The following KIF1B variants were observed in gnomAD, a reference collection of about 807,000 sequenced individuals.
KIF1B encodes the protein kinesin-like protein KIF1B.
Under a neutral mutation model 241.9 loss-of-function variants are expected in KIF1B, and 76 were observed. The ratio of observed to expected loss-of-function variants is 0.31; its 90% CI spans 0.26 to 0.38. KIF1B has a LOEUF of 0.38. Among genes scored for constraint, KIF1B ranks in the 10% least tolerant of loss-of-function variants. KIF1B has a pLI of 1.00. For synonymous variants in KIF1B, 750 were observed against 796.7 expected, an observed-to-expected ratio of 0.94 and a Z score of 0.99; for missense variants, 1,622 against 2,271.4, an observed-to-expected ratio of 0.71 and a Z score of 5.81.
intron 31 of KIF1B, among the ~76,000 whole-genome samples, chr1:10,338,554 G>A (rs1472056494): frequency 6.6e-6 from 1 of 152,198 alleles, no homozygotes; most frequent in Non-Finnish European, 1.5e-5. Flanking sequence ...ATTCTAATCA[G>A]GCAACTGATA....
Position 10,334,548 on chromosome 1 carries a change from T to C in KIF1B, c.2953T>C (p.Tyr985His). 1 of 1,614,050 alleles carries C rather than the reference T, an allele frequency of 6.2e-7. No individual in the cohort carries two copies. The highest frequency in any genetic ancestry group is 1.1e-5 in the South Asian group (1 of 91,080). The change falls in exon 28 of 49, where the codon TAT becomes CAT. Residue 985 changes from tyrosine (Y) to histidine (H), a missense_variant. By Grantham distance (83) the Tyr-to-His change is moderately conservative (BLOSUM62 2). Coordinates refer to ENST00000676179, the MANE Select transcript of KIF1B (RefSeq NM_001365951.3). Reference protein sequence around the residue: ...RAFVYLSNLLYPVPLIHRVAI... With the variant: ...RAFVYLSNLLHPVPLIHRVAI... ...ATTTGTTTACCTGAGCAATCTGCTG[T>C]ATCCCGTGCCCCTGATCCACAGGGT...
chr1:10,375,544 C>T (rs1400240235), intron 48 of KIF1B, among the ~76,000 whole-genome samples, 171 bp downstream of exon 48: 1 of 152,076 alleles, frequency 6.6e-6, no homozygotes, highest in Non-Finnish European at 1.5e-5. Context: ...CCACCATTGC[C>T]TGGCTAATTT....
intron 36 of KIF1B, among the ~76,000 whole-genome samples, 163 bp downstream of exon 36, chr1:10,347,990 A>G (rs1472993077): frequency 3.3e-5 from 5 of 150,320 alleles, no homozygotes; most frequent in Non-Finnish European, 7.4e-5. Context: ...GTCTGTAGAT[A>G]TTTCTTCCTC....
Position 10,378,896 on chromosome 1 carries a change from T to C in KIF1B, c.*2309T>C, listed in dbSNP as rs536082374. On this transcript the variant is annotated 3_prime_UTR_variant, in exon 49 of 49. Coordinates refer to ENST00000676179, the MANE Select transcript of KIF1B (RefSeq NM_001365951.3). ...CGGATTTTTTTTTTAACTTTCTTCT[T>C]CCTGTTAAAACATAGGTCACTAACT... The C allele has an allele frequency of 2.4e-4, 56 of 237,312 alleles. No homozygotes were observed. The highest frequency in any genetic ancestry group is 4.2e-4 in the Non-Finnish European group (50 of 120,392). The allele number at this position is 237,312 out of a possible 1,614,324, so 14.7% of individuals were successfully genotyped here.
chr1:10,360,940 G>T lies in KIF1B; in HGVS notation c.4067G>T (p.Arg1356Leu), dbSNP rs140769726. Residue 1356 changes from arginine (R) to leucine (L), a missense_variant, in exon 39 of 49, where the codon CGC becomes CTC. This residue lies in a region of KIF1B where 803 missense variants were observed against 1,112.0 expected (regional missense o/e 0.72). Coordinates refer to ENST00000676179, the MANE Select transcript of KIF1B (RefSeq NM_001365951.3). The stretch of plus-strand genomic sequence containing the variant: ...CTTTCTGACCTTAGGACCTTCTACC[G>T]CTTTGAGGCTGTGTGGGATAGCTCT... ...SSHNSSRTFY[R>L]FEAVWDSSLH... 6.2e-7 allele frequency: 1 copy of T among 1,612,898 alleles called. No individual in the cohort carries two copies. Among genetic ancestry groups the T allele is most frequent in the African/African-American group, 1.3e-5 (1 of 74,844 alleles).
rs1403398747 is a variant in KIF1B, at chr1:10,279,026, G to C, written c.1181-71G>C. ...CTCCCCAAATGCCAAAAACTGCTCT[G>C]TTCCCTCTCTGTGTCACTGCTGAAC... On this transcript the variant is annotated intron_variant, in intron 13 of 48. Transcript: ENST00000676179. The C allele has an allele frequency of 4.4e-6, 5 of 1,137,100 alleles. No homozygotes were observed. The East Asian group carries it at 7.8e-5, about 18-fold the overall frequency. 70.4% of individuals were successfully genotyped at this position (1,137,100 alleles called of 1,614,324 possible).
At chr1:10,224,095 A>G (rs2102109455) in intron 1 of KIF1B, among the ~76,000 whole-genome samples, 1 of 152,014 alleles carries the variant, frequency 6.6e-6, no homozygotes, top group East Asian at 1.9e-4. Flanking sequence ...TGTGAGTCAG[A>G]GTGTACAGCC....
intron 22 of KIF1B, among the ~76,000 whole-genome samples, chr1:10,315,607 T>C (rs1181142711): frequency 6.6e-6 from 1 of 151,656 alleles, no homozygotes; most frequent in Non-Finnish European, 1.5e-5. Context: ...AAGAGAGTGT[T>C]TTAATCCAAG....
Position 10,295,096 on chromosome 1 carries a change from T to C in KIF1B, c.1601T>C (p.Leu534Pro). 6.2e-7 allele frequency: 1 copy of C among 1,605,648 alleles called. No individual in the cohort carries two copies. The highest frequency in any genetic ancestry group is 8.5e-7 in the Non-Finnish European group (1 of 1,172,298). ...GVFSPKKTPH[L>P]VNLNEDPLMS... ...TGTAATCTTTTTCAGACCCCACATC[T>C]TGTTAACCTCAATGAAGACCCACTA... The change falls in exon 18 of 49, where the codon CTT becomes CCT. Residue 534 changes from leucine to proline, a missense_variant. Leu to Pro is a moderately conservative substitution (Grantham distance 98). Around this residue, in one of 7 missense-constraint regions of KIF1B, gnomAD observed 57 missense variants for 149.0 expected, o/e 0.38. Coordinates refer to ENST00000676179, the MANE Select transcript of KIF1B (RefSeq NM_001365951.3).
chr1:10,271,279 C>T (rs1362061530), intron 7 of KIF1B, among the ~76,000 whole-genome samples: 1 of 152,054 alleles, frequency 6.6e-6, no homozygotes, highest in Non-Finnish European at 1.5e-5. Flanking sequence ...AAAGGAGCTT[C>T]CTGAGTAGCT....
chr1:10,365,299 AG>A lies in KIF1B; in HGVS notation c.4512+55del, dbSNP rs1638537647. The A allele has an allele frequency of 3.1e-6, 5 of 1,613,248 alleles. No homozygotes were observed. Among genetic ancestry groups the A allele is most frequent in the Non-Finnish European group, 3.4e-6 (4 of 1,179,546 alleles). On this transcript the variant is annotated intron_variant, in intron 42 of 48. Coordinates refer to ENST00000676179, the MANE Select transcript of KIF1B (RefSeq NM_001365951.3). The surrounding 1 kb of genome is among the most constrained non-coding windows in gnomAD (Gnocchi z 4.0). ...AAGAACTCTCGGACAAGATTGCCAA[AG>A]TATCAGTCTTCCTCCCCGCTGCTGC...
intron 1 of KIF1B, among the ~76,000 whole-genome samples, chr1:10,214,583 CT>C (rs1206397020): frequency 2.8e-5 from 4 of 141,814 alleles, no homozygotes; most frequent in Non-Finnish European, 6.1e-5. Flanking sequence ...CCACCGTGCC[CT>C]GCCCTTTTTT....
intron 34 of KIF1B, 125 bp from the exon 35 acceptor site, chr1:10,345,719 GA>G (rs1415926326): frequency 2.1e-5 from 15 of 727,394 alleles, no homozygotes; most frequent in Non-Finnish European, 3.7e-5. Context: ...CTTTTGCATT[GA>G]AATCTTTCCT....
intron 38 of KIF1B, among the ~76,000 whole-genome samples, chr1:10,359,015 G>A (rs1338979377): frequency 1.3e-5 from 2 of 152,178 alleles, no homozygotes; most frequent in Non-Finnish European, 2.9e-5. Context: ...CTAGACATTT[G>A]AGAGAGTATT....
chr1:10,333,814 A>G (rs1015519073), intron 27 of KIF1B, among the ~76,000 whole-genome samples: 6 of 151,900 alleles, frequency 3.9e-5, no homozygotes, highest in African/African-American at 1.2e-4. Flanking sequence ...TGTTTTATCT[A>G]TTGGGAAAAA....
In KIF1B at chr1:10,374,351, G is replaced by T. The variant is rs751864026; in HGVS notation, c.4982G>T (p.Cys1661Phe). The change falls in exon 46 of 49, where the codon TGC becomes TTC. Residue 1661 changes from cysteine (C) to phenylalanine (F), a missense_variant. Transcript: ENST00000676179. The surrounding 1 kb of genome is among the most constrained non-coding windows in gnomAD (Gnocchi z 4.3). ...PEANSRASSP[C>F]PEFEQFQIVP... The stretch of plus-strand genomic sequence containing the variant: ...GCCAATTCCCGGGCCTCTAGTCCCT[G>T]CCCAGAATTTGAACAGTTTCAGATT... The T allele has an allele frequency of 6.2e-7, 1 of 1,614,130 alleles. No homozygotes were observed. Among genetic ancestry groups the T allele is most frequent in the East Asian group, 2.2e-5 (1 of 44,892 alleles).
Position 10,324,019 on chromosome 1 carries a change from T to A in KIF1B, c.2494T>A (p.Leu832Met). ...AGTGGTAGCAGTAGAAGTCCAGGAT[T>A]TGAAGAATGGAGCAACACACTATTG... The part of the protein sequence containing the change: ...RTVVAVEVQD[L>M]KNGATHYWSL... Residue 832 changes from leucine to methionine, a missense_variant, in exon 25 of 49, where the codon TTG (leucine) becomes ATG (methionine). Transcript: ENST00000676179. 1 of 1,614,192 alleles carries A rather than the reference T, an allele frequency of 6.2e-7. No homozygotes were observed. The highest frequency in any genetic ancestry group is 8.5e-7 in the Non-Finnish European group (1 of 1,180,036).
intron 4 of KIF1B, among the ~76,000 whole-genome samples, chr1:10,260,458 TA>T (rs1032442722): frequency 1.3e-4 from 20 of 152,248 alleles, no homozygotes; most frequent in African/African-American, 4.6e-4. Context: ...AATTTAGTTT[TA>T]AAAACAGTTT....
intron 22 of KIF1B, chr1:10,299,120 C>A (rs1447808042): frequency 6.9e-6 from 1 of 145,292 alleles, no homozygotes. Context: ...CAAAACAAGA[C>A]AAACAAAAAA....
Sources: allele counts gnomAD v4.1 joint callset (sites outside exome capture counted in the v4.1 genomes callset), GRCh38; gene constraint gnomAD v4.1.1; regional missense constraint gnomAD v4.1.1; non-coding constraint Gnocchi (gnomAD v3.1); transcripts MANE v1.5; gene names NCBI Gene and HGNC (gene_info 2026-07-23, HGNC 2026-07-21).